The following BCAS3 variants were observed in gnomAD, a reference collection of about 807,000 sequenced individuals.
The protein encoded by BCAS3 is BCAS4/BCAS3 fusion.
BCAS3 carries 53 observed loss-of-function variants against 116.1 expected under a neutral mutation model. The ratio of observed to expected loss-of-function variants is 0.46; its 90% CI spans 0.37 to 0.57. BCAS3 has a LOEUF of 0.57. BCAS3 is among the 20% of genes least tolerant of loss of function. The pLI is 0.00. For missense variants in BCAS3, 917 were observed against 1,165.4 expected, an observed-to-expected ratio of 0.79 and a Z score of 3.10; for synonymous variants, 391 against 408.2, an observed-to-expected ratio of 0.96 and a Z score of 0.51.
intron 6 of BCAS3, among the ~76,000 whole-genome samples, chr17:60,769,659 C>A (rs2044461789): frequency 6.6e-6 from 1 of 152,180 alleles, no homozygotes; most frequent in African/African-American, 2.4e-5. Flanking sequence ...CAGCCTGCAG[C>A]AGTGGCAGTG....
chr17:61,280,776 C>T (rs74605476), intron 22 of BCAS3, among the ~76,000 whole-genome samples: 8,411 of 152,190 alleles, frequency 0.055, 275 homozygotes, highest in African/African-American at 0.11. Context: ...AAGTGGGCAG[C>T]GCCGGAGCTA....
intron 6 of BCAS3, among the ~76,000 whole-genome samples, chr17:60,807,403 T>A (rs1301817146): frequency 6.6e-6 from 1 of 152,196 alleles, no homozygotes; most frequent in South Asian, 2.1e-4. Flanking sequence ...TTTTAGGTAA[T>A]TAGTTGGTGG....
chr17:60,728,715 A>G (rs1465830010), intron 5 of BCAS3, among the ~76,000 whole-genome samples: 1 of 151,958 alleles, frequency 6.6e-6, no homozygotes, highest in Non-Finnish European at 1.5e-5. Flanking sequence ...CCTGACCTCA[A>G]GCAATCTACC....
chr17:61,119,069 C>T (rs987976009), intron 22 of BCAS3, among the ~76,000 whole-genome samples: 2 of 152,240 alleles, frequency 1.3e-5, no homozygotes, highest in East Asian at 1.9e-4. Context: ...TTAAGTGATG[C>T]GGAAGCCATT....
rs539841864 is a variant in BCAS3, at chr17:61,306,798, G to GA, written c.2426-61520dup. 1.0e-4 allele frequency among the ~76,000 whole-genome samples: 15 copies of GA among 149,406 alleles called. No homozygotes were observed. The East Asian group carries it at 1.6e-3, about 16-fold the overall frequency. On this transcript the variant is annotated intron_variant, in intron 22 of 23. Transcript: ENST00000407086. ...GACAGAGTGAGACTCTGTCTCAAAA[G>GA]AAAAAAAAACAAAGCTCTTTTCTTT...
intron 6 of BCAS3, among the ~76,000 whole-genome samples, chr17:60,807,021 ACCAT>A (rs2048341699): frequency 6.6e-6 from 1 of 152,078 alleles, no homozygotes; most frequent in South Asian, 2.1e-4. Flanking sequence ...AATACTCTGA[ACCAT>A]TACCTGTGAC....
At chr17:61,035,420 T>C (rs1163469193) in intron 17 of BCAS3, among the ~76,000 whole-genome samples, 1 of 151,740 alleles carries the variant, frequency 6.6e-6, no homozygotes, top group Non-Finnish European at 1.5e-5. Flanking sequence ...CCATCTCTAC[T>C]AAAAATACAA....
intron 15 of BCAS3, among the ~76,000 whole-genome samples, chr17:60,991,483 A>T (rs2063521479): frequency 6.6e-6 from 1 of 152,186 alleles, no homozygotes; most frequent in Admixed American, 6.5e-5. Flanking sequence ...TTTCATTCTC[A>T]CTAGAACGAC....
intron 6 of BCAS3, among the ~76,000 whole-genome samples, chr17:60,762,503 TG>T (rs1486152597): frequency 1.3e-5 from 2 of 152,158 alleles, no homozygotes; most frequent in Non-Finnish European, 2.9e-5. Context: ...AAAGATCAGA[TG>T]GTTGTAGATG....
chr17:61,135,009 T>C (rs1159806397), intron 22 of BCAS3, among the ~76,000 whole-genome samples: 1 of 152,184 alleles, frequency 6.6e-6, no homozygotes, highest in East Asian at 1.9e-4. Flanking sequence ...ATTAAACATA[T>C]GAGGTTTCCA....
intron 14 of BCAS3, among the ~76,000 whole-genome samples, chr17:60,948,051 C>T (rs1050737094): frequency 1.1e-4 from 16 of 151,978 alleles, no homozygotes; most frequent in Non-Finnish European, 1.3e-4. Flanking sequence ...TCAGGTGCCA[C>T]GCTAAGTGCT....
In BCAS3 at chr17:61,285,766, G is replaced by A. The variant is rs2051711907; in HGVS notation, c.2426-82561G>A. Among the ~76,000 whole-genome samples the A allele has an allele frequency of 6.6e-6, 1 of 152,212 alleles. No homozygotes were observed. Among genetic ancestry groups the A allele is most frequent in the African/African-American group, 2.4e-5 (1 of 41,446 alleles). On this transcript the variant is annotated intron_variant, in intron 22 of 23. Coordinates refer to ENST00000407086, the MANE Select transcript of BCAS3 (RefSeq NM_017679.5). The surrounding 1 kb of genome is among the most constrained non-coding windows in gnomAD (Gnocchi z 5.4). ...GACAAGAGACTAGGAGCTAGGAGCTGCGGATCTGCAGTTTCCCAAAGGTAA... is the reference window on the plus strand; with the variant it reads ...GACAAGAGACTAGGAGCTAGGAGCTACGGATCTGCAGTTTCCCAAAGGTAA...
In BCAS3 at chr17:60,990,820, G is replaced by A. The variant is rs901854794; in HGVS notation, c.1486+585G>A. ...CGCCACCACGCCTGGCTGATTTTCAGTATTTTTAGTAGAGATGGGGTTTCA... is the reference window on the plus strand; with the variant it reads ...CGCCACCACGCCTGGCTGATTTTCAATATTTTTAGTAGAGATGGGGTTTCA... On this transcript the variant is annotated intron_variant, in intron 15 of 23. Coordinates refer to ENST00000407086, the MANE Select transcript of BCAS3 (RefSeq NM_017679.5). This position sits in a 1 kb window ranked among gnomAD's most constrained non-coding sequence, Gnocchi z 5.1. 3.9e-5 allele frequency among the ~76,000 whole-genome samples: 6 copies of A among 152,004 alleles called. No individual in the cohort carries two copies. Among genetic ancestry groups the A allele is most frequent in the African/African-American group, 1.2e-4 (5 of 41,384 alleles).
At position 60,772,627 on chromosome 17, in the gene BCAS3, C is replaced by A. The variant is rs181244997; in HGVS notation, c.403+25348C>A. 3.5e-3 allele frequency among the ~76,000 whole-genome samples: 536 copies of A among 152,254 alleles called. 3 individuals are homozygous for A. Among genetic ancestry groups the A allele is most frequent in the African/African-American group, 0.012 (509 of 41,536 alleles). Reference sequence around the variant, plus strand: ...GGGCATGGTGGCTTACACCTGTAATCCCAGCTCTTTGGGAGGCTGAGGTTG... The same window carrying A: ...GGGCATGGTGGCTTACACCTGTAATACCAGCTCTTTGGGAGGCTGAGGTTG... On this transcript the variant is annotated intron_variant, in intron 6 of 23. Coordinates refer to ENST00000407086, the MANE Select transcript of BCAS3 (RefSeq NM_017679.5).
chr17:61,335,088 CT>C (rs978441524), intron 22 of BCAS3, among the ~76,000 whole-genome samples: 1 of 152,248 alleles, frequency 6.6e-6, no homozygotes, highest in African/African-American at 2.4e-5. Flanking sequence ...ACTGCCCCAG[CT>C]TTCAGCCTGG....
chr17:60,694,946 G>T (rs932628704), intron 4 of BCAS3, among the ~76,000 whole-genome samples: 8 of 151,954 alleles, frequency 5.3e-5, no homozygotes, highest in Non-Finnish European at 1.2e-4. Context: ...CTGTTTCTAT[G>T]ATTTTTAACT....
intron 13 of BCAS3, among the ~76,000 whole-genome samples, chr17:60,931,962 A>G (rs1023477150): frequency 3.9e-5 from 6 of 152,264 alleles, no homozygotes; most frequent in African/African-American, 1.4e-4. Flanking sequence ...AGGTCTAGCT[A>G]CTTGGGAGGC....
intron 22 of BCAS3, among the ~76,000 whole-genome samples, chr17:61,218,079 CA>C (rs1226593706): frequency 6.6e-6 from 1 of 152,166 alleles, no homozygotes; most frequent in Non-Finnish European, 1.5e-5. Flanking sequence ...CCAGCCAGAA[CA>C]AGAAGAACTG....
At chr17:60,683,580 C>A in intron 2 of BCAS3, among the ~76,000 whole-genome samples, 1 of 116,334 alleles carries the variant, frequency 8.6e-6, no homozygotes, top group Non-Finnish European at 1.6e-5. Flanking sequence ...GCCTGTAATC[C>A]CAGTACTTTG....
Sources: gnomAD v4.1 joint callset for allele counts (sites outside exome capture counted in the v4.1 genomes callset) on GRCh38, gnomAD v4.1.1 for gene constraint, Gnocchi (gnomAD v3.1) non-coding constraint, MANE v1.5 for transcripts, NCBI Gene and HGNC (gene_info 2026-07-23, HGNC 2026-07-21) for gene names.